The following ZNF638 variants were observed in gnomAD, a reference collection of about 807,000 sequenced individuals.
The protein encoded by ZNF638 is CTCL tumor antigen se33-1.
Under a neutral mutation model 195.6 loss-of-function variants are expected in ZNF638, and 46 were observed. The ratio of observed to expected loss-of-function variants is 0.24; its 90% CI spans 0.19 to 0.30. The LOEUF (loss-of-function observed/expected upper bound fraction) is 0.30. Ranked by LOEUF, ZNF638 falls within the 10% of genes least tolerant of loss-of-function variation. The pLI is 1.00. For missense variants in ZNF638, 2,440 were observed against 2,325.3 expected (o/e 1.05, Z -1.01); for synonymous variants, 845 against 772.0 (o/e 1.09, Z -1.57).
At position 71,331,867 on chromosome 2, in the gene ZNF638, TAG is replaced by T; in HGVS notation, c.-210_-209del. The T allele has an allele frequency of 6.1e-6, 6 of 986,196 alleles. No individual in the cohort carries two copies. The highest frequency in any genetic ancestry group is 7.2e-6 in the Non-Finnish European group (6 of 830,214). The allele number at this position is 986,196 out of a possible 1,614,324, so 61.1% of individuals were successfully genotyped here. ...GGATGGGATCCAGCTGTTAGTCGGGTAGGCATAGGTAGGACCGCTGCCCTGTG... is the reference window on the plus strand; with the variant it reads ...GGATGGGATCCAGCTGTTAGTCGGGTGCATAGGTAGGACCGCTGCCCTGTG... On this transcript the variant is annotated 5_prime_UTR_variant, in exon 1 of 28. Coordinates refer to ENST00000264447, the MANE Select transcript of ZNF638 (RefSeq NM_014497.5).
Position 71,423,065 on chromosome 2 carries a change from C to T in ZNF638, c.3551C>T (p.Ala1184Val), listed in dbSNP as rs1193595322. Reference protein sequence around the residue: ...VKEEIPLVASASVSIEQFTEN... With the variant: ...VKEEIPLVASVSVSIEQFTEN... ...GAAGAAATTCCTCTTGTAGCATCCG[C>T]TTCAGTCAGTATTGAACAATTCACT... The change falls in exon 22 of 28, where the codon GCT (alanine) becomes GTT (valine). Residue 1184 changes from alanine (A) to valine (V), a missense_variant. Around this residue, in one of 5 missense-constraint regions of ZNF638, gnomAD observed 1,883 missense variants for 1,739.1 expected, o/e 1.08. Coordinates refer to ENST00000264447, the MANE Select transcript of ZNF638 (RefSeq NM_014497.5). The T allele has an allele frequency of 2.5e-6, 4 of 1,613,996 alleles. No individual in the cohort carries two copies. Among genetic ancestry groups the T allele is most frequent in the East Asian group, 4.5e-5 (2 of 44,884 alleles).
chr2:71,367,431 A>ATTTT (rs3077439), intron 6 of ZNF638, among the ~76,000 whole-genome samples: 4 of 112,712 alleles, frequency 3.5e-5, no homozygotes, highest in Admixed American at 1.0e-4. Context: ...GGGTGTTTTA[A>ATTTT]TTTTTTTTTT....
At chr2:71,422,394 A>G (rs921262890) in intron 21 of ZNF638, among the ~76,000 whole-genome samples, 1 of 152,154 alleles carries the variant, frequency 6.6e-6, no homozygotes, top group Admixed American at 6.5e-5. Flanking sequence ...CACTTATAAA[A>G]TTTTAAATCA....
At chr2:71,335,960 C>A (rs2078659344) in intron 1 of ZNF638, among the ~76,000 whole-genome samples, 1 of 152,116 alleles carries the variant, frequency 6.6e-6, no homozygotes, top group Non-Finnish European at 1.5e-5. Flanking sequence ...CTATAAACTC[C>A]CCACCTACCT....
chr2:71,433,852 A>G (rs888465771), intron 27 of ZNF638, among the ~76,000 whole-genome samples: 8 of 152,174 alleles, frequency 5.3e-5, no homozygotes, highest in African/African-American at 1.4e-4. Context: ...AGCTTATTTA[A>G]TCTCCTCATG....
chr2:71,349,201 A>G lies in ZNF638; in HGVS notation c.247A>G (p.Thr83Ala). Residue 83 changes from threonine (T) to alanine (A), a missense_variant, in exon 2 of 28, where the codon ACC becomes GCC. Coordinates refer to ENST00000264447, the MANE Select transcript of ZNF638 (RefSeq NM_014497.5). ...VTQHRTDPRL[T>A]KEKLDFHEAQ... ...TCAACACAGAACTGATCCAAGATTG[A>G]CCAAAGAAAAACTGGATTTTCATGA... 1 of 1,614,212 alleles carries G rather than the reference A, an allele frequency of 6.2e-7. No homozygotes were observed.
chr2:71,349,660 G>C lies in ZNF638; in HGVS notation c.706G>C (p.Asp236His). 1 of 1,614,144 alleles carries C rather than the reference G, an allele frequency of 6.2e-7. No individual in the cohort carries two copies. The highest frequency in any genetic ancestry group is 1.1e-5 in the South Asian group (1 of 91,082). Residue 236 changes from aspartate (D) to histidine (H), a missense_variant, in exon 2 of 28, where the codon GAT (aspartate) becomes CAT (histidine). Asp to His is a moderately conservative substitution (Grantham distance 81). This residue lies in a region of ZNF638 where 305 missense variants were observed against 283.6 expected (regional missense o/e 1.08). Transcript: ENST00000264447. ...TATTTATGATCCTGAAATTCCAACT[G>C]ATGAGGTCGAGAATGAATTTCAGTC... ...VRIYDPEIPT[D>H]EVENEFQSQQ...
At chr2:71,399,724 A>G in intron 13 of ZNF638, 79 bp downstream of exon 13, 2 of 1,165,296 alleles carry the variant, frequency 1.7e-6, no homozygotes, top group Non-Finnish European at 2.5e-6. Context: ...GTACATGTGC[A>G]GGTTTCTTAC....
intron 10 of ZNF638, among the ~76,000 whole-genome samples, chr2:71,384,842 A>G (rs1249921704): frequency 3.9e-5 from 6 of 152,220 alleles, no homozygotes; most frequent in Non-Finnish European, 5.9e-5. Context: ...TATTTCAGAA[A>G]ATGTTTAAAG....
intron 10 of ZNF638, among the ~76,000 whole-genome samples, chr2:71,391,192 C>T (rs1313516950): frequency 6.6e-6 from 1 of 152,196 alleles, no homozygotes; most frequent in Non-Finnish European, 1.5e-5. Context: ...CTATCAGTGG[C>T]AGTTTGCAAC....
intron 23 of ZNF638, among the ~76,000 whole-genome samples, chr2:71,425,548 A>G (rs1360380283): frequency 1.3e-5 from 2 of 152,176 alleles, no homozygotes; most frequent in Non-Finnish European, 2.9e-5. Flanking sequence ...CTTCTTTACT[A>G]TTGACGGCAT....
chr2:71,396,225 G>C (rs1180194405), intron 11 of ZNF638, 34 bp downstream of exon 11: 1 of 1,567,716 alleles, frequency 6.4e-7, no homozygotes, highest in African/African-American at 1.4e-5. Context: ...TAGACTATTA[G>C]TTAAAACTTT....
chr2:71,385,384 A>G (rs2079616186), intron 10 of ZNF638, among the ~76,000 whole-genome samples: 2 of 152,246 alleles, frequency 1.3e-5, no homozygotes, highest in South Asian at 4.1e-4. Context: ...GAAACAACCC[A>G]AATGTTCTTC....
At chr2:71,372,648 G>A (rs998446092) in intron 8 of ZNF638, among the ~76,000 whole-genome samples, 2 of 152,172 alleles carry the variant, frequency 1.3e-5, no homozygotes, top group African/African-American at 4.8e-5. Flanking sequence ...GCTTTTCTGT[G>A]TGCAGATAGT....
At chr2:71,365,104 G>C (rs1042839733) in intron 5 of ZNF638, among the ~76,000 whole-genome samples, 2 of 152,280 alleles carry the variant, frequency 1.3e-5, no homozygotes, top group African/African-American at 4.8e-5. Context: ...AAAAACTGCA[G>C]TTACTTTTGC....
Position 71,423,760 on chromosome 2 carries a change from A to T in ZNF638, c.4246A>T (p.Ser1416Cys). Residue 1416 changes from serine (S) to cysteine (C), a missense_variant, in exon 22 of 28, where the codon AGT becomes TGT. Ser to Cys is a moderately radical substitution (Grantham distance 112). This residue lies in a region of ZNF638 where 1,883 missense variants were observed against 1,739.1 expected (regional missense o/e 1.08). Transcript: ENST00000264447. The stretch of plus-strand genomic sequence containing the variant: ...AGTTTCAAAAACTGAAAATCAGAAA[A>T]GTTTTCCAAAATCTGTGCCCAGAGA... ...ATVSKTENQK[S>C]FPKSVPRDQI... 6.2e-7 allele frequency: 1 copy of T among 1,613,964 alleles called. No homozygotes were observed. Among genetic ancestry groups the T allele is most frequent in the Non-Finnish European group, 8.5e-7 (1 of 1,180,010 alleles).
chr2:71,336,255 A>G lies in ZNF638; in HGVS notation c.-203+4380A>G, dbSNP rs372703263. Among the ~76,000 whole-genome samples, 5 of 151,914 alleles carry G rather than the reference A, an allele frequency of 3.3e-5. No homozygotes were observed. The South Asian group carries it at 8.3e-4, about 25-fold the overall frequency. ...GGTGGTGGTGCATGTCTGTAATCCC[A>G]GCTACTCGGGAGGCTGAGGTAGGAG... is the stretch of plus-strand genomic sequence containing the variant. On this transcript the variant is annotated intron_variant, in intron 1 of 27. Coordinates refer to ENST00000264447, the MANE Select transcript of ZNF638 (RefSeq NM_014497.5).
intron 8 of ZNF638, chr2:71,380,015 G>C (rs2079507804): frequency 1.0e-5 from 4 of 383,102 alleles, no homozygotes; most frequent in Non-Finnish European, 9.5e-6. Context: ...AACTGCTGTA[G>C]TTAATGATAA....
chr2:71,356,756 T>G (rs543605856), intron 3 of ZNF638, among the ~76,000 whole-genome samples: 1 of 151,998 alleles, frequency 6.6e-6, no homozygotes. Context: ...GCCACTGCAC[T>G]CTAGCCTGGG....
Sources: allele counts gnomAD v4.1 joint callset (sites outside exome capture counted in the v4.1 genomes callset), GRCh38; gene constraint gnomAD v4.1.1; regional missense constraint gnomAD v4.1.1; transcripts MANE v1.5; gene names NCBI Gene and HGNC (gene_info 2026-07-23, HGNC 2026-07-21).